The following SCAPER variants were observed in gnomAD, a reference collection of about 807,000 sequenced individuals.
SCAPER encodes S phase cyclin A-associated protein in the endoplasmic reticulum.
Under a neutral mutation model 182.2 loss-of-function variants are expected in SCAPER, and 98 were observed. The ratio of observed to expected loss-of-function variants is 0.54; its 90% CI spans 0.46 to 0.64. The LOEUF (loss-of-function observed/expected upper bound fraction) is 0.64. SCAPER is among the 30% of genes least tolerant of loss of function. The pLI, the probability that SCAPER is intolerant of heterozygous loss-of-function variation, is 0.00. For synonymous variants in SCAPER, 605 were observed against 564.6 expected (o/e 1.07, Z -1.01); for missense variants, 1,432 against 1,690.0 (o/e 0.85, Z 2.68).
chr15:76,660,081 T>C (rs1216669069), intron 21 of SCAPER, among the ~76,000 whole-genome samples: 3 of 152,220 alleles, frequency 2.0e-5, no homozygotes, highest in African/African-American at 7.2e-5. Flanking sequence ...TGAGGTTGCA[T>C]GCTTTGCAGC....
At chr15:76,708,067 C>A (rs1030613152) in intron 17 of SCAPER, among the ~76,000 whole-genome samples, 1 of 151,888 alleles carries the variant, frequency 6.6e-6, no homozygotes, top group Non-Finnish European at 1.5e-5. Flanking sequence ...TCTAGGACAC[C>A]CCCCCACCAT....
chr15:76,778,763 C>G (rs1290261760), intron 8 of SCAPER, among the ~76,000 whole-genome samples: 1 of 151,828 alleles, frequency 6.6e-6, no homozygotes, highest in Middle Eastern at 3.4e-3. Flanking sequence ...TATGTGTGGT[C>G]AAGCAGGGAG....
chr15:76,471,626 C>CT (rs1157318475), intron 24 of SCAPER, among the ~76,000 whole-genome samples: 1 of 152,164 alleles, frequency 6.6e-6, no homozygotes, highest in Non-Finnish European at 1.5e-5. Flanking sequence ...TCTGAATACT[C>CT]TAAGACTAGA....
chr15:76,399,280 G>A (rs1391521417), intron 27 of SCAPER, among the ~76,000 whole-genome samples: 1 of 152,070 alleles, frequency 6.6e-6, no homozygotes, highest in African/African-American at 2.4e-5. Flanking sequence ...TGGGATTACA[G>A]GTGCCTGCCA....
chr15:76,850,870 A>G (rs1454657673), intron 4 of SCAPER, among the ~76,000 whole-genome samples: 8 of 151,236 alleles, frequency 5.3e-5, no homozygotes, highest in Non-Finnish European at 1.0e-4. Context: ...AAAAAAAAAA[A>G]AAAAAAAGAA....
At chr15:76,853,911 G>A (rs1485670830) in intron 4 of SCAPER, among the ~76,000 whole-genome samples, 1 of 152,204 alleles carries the variant, frequency 6.6e-6, no homozygotes, top group Non-Finnish European at 1.5e-5. Flanking sequence ...TATGTATCTA[G>A]AAAACCCATA....
chr15:76,415,125 A>G lies in SCAPER; in HGVS notation c.3312-10446T>C, dbSNP rs560092892. Among the ~76,000 whole-genome samples the G allele has an allele frequency of 3.3e-5, 5 of 152,348 alleles. No homozygotes were observed. In the South Asian group the frequency reaches 1.0e-3, roughly 32 times the overall value. Reference sequence around the variant, plus strand: ...GCATAGCTATCAGACTGACAAAAACACTAGCAAGGATATGGGGAAATGGAA... The same window carrying G: ...GCATAGCTATCAGACTGACAAAAACGCTAGCAAGGATATGGGGAAATGGAA... On this transcript the variant is annotated intron_variant, in intron 26 of 31. Coordinates refer to ENST00000563290, the MANE Select transcript of SCAPER (RefSeq NM_020843.4).
chr15:76,421,443 C>T (rs1207004397), intron 26 of SCAPER, among the ~76,000 whole-genome samples: 1 of 152,130 alleles, frequency 6.6e-6, no homozygotes, highest in Non-Finnish European at 1.5e-5. Flanking sequence ...CTGTTCATAT[C>T]CTTTGCCCAC....
chr15:76,352,011 TA>T (rs1165113277), intron 30 of SCAPER, among the ~76,000 whole-genome samples: 1 of 152,196 alleles, frequency 6.6e-6, no homozygotes, highest in East Asian at 1.9e-4. Flanking sequence ...ACACAAGAAA[TA>T]TATATAATCT....
chr15:76,807,138 T>A (rs961701516), intron 5 of SCAPER, among the ~76,000 whole-genome samples: 1 of 152,242 alleles, frequency 6.6e-6, no homozygotes, highest in African/African-American at 2.4e-5. Flanking sequence ...TTGTTCCTGA[T>A]CTTACCCAAC....
At chr15:76,445,182 T>TACCCATAGCTTAGTTTCCAC (rs2047910433) in intron 25 of SCAPER, among the ~76,000 whole-genome samples, 1 of 152,228 alleles carries the variant, frequency 6.6e-6, no homozygotes, top group Non-Finnish European at 1.5e-5. Context: ...TGCCTTTGCA[T>TACCCATAGCTTAGTTTCCAC]ACCCATAGCT....
At chr15:76,702,343 T>G (rs192133383) in intron 19 of SCAPER, among the ~76,000 whole-genome samples, 83 of 152,312 alleles carry the variant, frequency 5.4e-4, no homozygotes, top group African/African-American at 1.9e-3. Flanking sequence ...TAATAGTAAC[T>G]ATATTCTTGA....
intron 25 of SCAPER, among the ~76,000 whole-genome samples, chr15:76,438,653 T>C (rs560704439): frequency 6.6e-6 from 1 of 152,350 alleles, no homozygotes; most frequent in Non-Finnish European, 1.5e-5. Context: ...ATCTCCCTTG[T>C]CAGGCTTGCT....
chr15:76,678,313 T>C (rs2057481877), intron 20 of SCAPER, among the ~76,000 whole-genome samples: 1 of 152,086 alleles, frequency 6.6e-6, no homozygotes, highest in South Asian at 2.1e-4. Flanking sequence ...GTGCAACGGT[T>C]TTCACATGTC....
intron 24 of SCAPER, among the ~76,000 whole-genome samples, chr15:76,488,816 C>G (rs1439149427): frequency 6.9e-6 from 1 of 145,406 alleles, no homozygotes; most frequent in Non-Finnish European, 1.5e-5. Flanking sequence ...ACCTCTGCCC[C>G]CCAGGTTCAA....
chr15:76,517,294 T>G (rs2042502322), intron 23 of SCAPER, among the ~76,000 whole-genome samples: 1 of 151,986 alleles, frequency 6.6e-6, no homozygotes, highest in African/African-American at 2.4e-5. Context: ...ATAGAAGGGT[T>G]GCAAGGATAG....
intron 16 of SCAPER, among the ~76,000 whole-genome samples, chr15:76,731,033 G>A (rs1247297107): frequency 6.6e-6 from 1 of 152,056 alleles, no homozygotes; most frequent in Non-Finnish European, 1.5e-5. Flanking sequence ...TTCCCAATCT[G>A]AAATTTAAAT....
chr15:76,860,644 A>G (rs1290009849), intron 3 of SCAPER, among the ~76,000 whole-genome samples: 4 of 152,216 alleles, frequency 2.6e-5, no homozygotes, highest in Non-Finnish European at 5.9e-5. Context: ...AGTTATGCTG[A>G]GGCAACTTGT....
intron 17 of SCAPER, among the ~76,000 whole-genome samples, chr15:76,713,542 C>T: frequency 6.6e-6 from 1 of 151,820 alleles, no homozygotes; most frequent in Non-Finnish European, 1.5e-5. Flanking sequence ...AAAAACCAAA[C>T]ACCGCATGTT....
Sources: gnomAD v4.1 joint callset for allele counts (sites outside exome capture counted in the v4.1 genomes callset) on GRCh38, gnomAD v4.1.1 for gene constraint, MANE v1.5 for transcripts, NCBI Gene and HGNC (gene_info 2026-07-23, HGNC 2026-07-21) for gene names.